The following UCMA variants were observed in gnomAD, a reference collection of about 807,000 sequenced individuals.
The protein encoded by UCMA is upper zone of growth plate and cartilage matrix-associated protein.
UCMA carries 21 observed loss-of-function variants against 21.8 expected under a neutral mutation model. That is an observed-to-expected ratio of 0.97 (90% CI 0.68 to 1.39). UCMA has a LOEUF of 1.39. UCMA is among the 40% of genes most tolerant of loss of function. The pLI is 0.00. For missense variants in UCMA, 193 were observed against 178.9 expected, an observed-to-expected ratio of 1.08 and a Z score of -0.45; for synonymous variants, 76 against 67.9, an observed-to-expected ratio of 1.12 and a Z score of -0.58.
chr10:13,227,826 G>C (rs1197981463), intron 4 of UCMA, among the ~76,000 whole-genome samples: 1 of 149,156 alleles, frequency 6.7e-6, no homozygotes, highest in African/African-American at 2.5e-5. Flanking sequence ...TCCTAAGGAT[G>C]TTTGCTGTGG....
chr10:13,221,938 T>G lies in UCMA; in HGVS notation c.*165A>C, dbSNP rs1474357670. ...CAAAGAGGTGAAAGTCAGGACACTT[T>G]CACACACTGGAAGGAAAGGCATGCG... On this transcript the variant is annotated 3_prime_UTR_variant, in exon 5 of 5. Coordinates refer to ENST00000378681, the MANE Select transcript of UCMA (RefSeq NM_145314.3). The G allele has an allele frequency of 1.5e-6, 1 of 676,326 alleles. No homozygotes were observed. Among genetic ancestry groups the G allele is most frequent in the Non-Finnish European group, 2.5e-6 (1 of 393,552 alleles). The allele number at this position is 676,326 out of a possible 1,614,324, so 41.9% of individuals were successfully genotyped here.
intron 4 of UCMA, among the ~76,000 whole-genome samples, chr10:13,223,307 T>C (rs1005928133): frequency 2.0e-5 from 3 of 151,672 alleles, no homozygotes; most frequent in African/African-American, 4.8e-5. Context: ...TGGATACTTC[T>C]ACGTGAATGT....
intron 4 of UCMA, among the ~76,000 whole-genome samples, chr10:13,225,458 T>G (rs1480051524): frequency 6.6e-6 from 1 of 152,024 alleles, no homozygotes; most frequent in East Asian, 1.9e-4. Flanking sequence ...GCAGATCACC[T>G]GAAGTCAGGA....
intron 4 of UCMA, among the ~76,000 whole-genome samples, chr10:13,226,159 G>A (rs1268113752): frequency 6.6e-6 from 1 of 151,220 alleles, no homozygotes; most frequent in Non-Finnish European, 1.5e-5. Flanking sequence ...GAGTATACAT[G>A]TATCCTTTCT....
At position 13,221,943 on chromosome 10, in the gene UCMA, C is replaced by T. The variant is rs977325493; in HGVS notation, c.*160G>A. The T allele has an allele frequency of 1.0e-5, 7 of 688,278 alleles. No individual in the cohort carries two copies. Among genetic ancestry groups the T allele is most frequent in the Non-Finnish European group, 1.7e-5 (7 of 401,624 alleles). The allele number at this position is 688,278 out of a possible 1,614,324, so 42.6% of individuals were successfully genotyped here. A position where few individuals can be genotyped will look rare whatever the true frequency, so the allele number is the denominator to read the frequency against. ...AGGTGAAAGTCAGGACACTTTCACACACTGGAAGGAAAGGCATGCGTCTTT... is the reference window on the plus strand; with the variant it reads ...AGGTGAAAGTCAGGACACTTTCACATACTGGAAGGAAAGGCATGCGTCTTT... On this transcript the variant is annotated 3_prime_UTR_variant, in exon 5 of 5. Transcript: ENST00000378681.
At chr10:13,223,622 C>T (rs577028285) in intron 4 of UCMA, among the ~76,000 whole-genome samples, 22 of 152,262 alleles carry the variant, frequency 1.4e-4, no homozygotes, top group African/African-American at 3.4e-4. Context: ...GGCGTGATCT[C>T]GGCTCACTGT....
intron 4 of UCMA, among the ~76,000 whole-genome samples, chr10:13,226,789 G>T (rs2131603934): frequency 6.6e-6 from 1 of 152,260 alleles, no homozygotes; most frequent in East Asian, 1.9e-4. Flanking sequence ...CATCTGTGTG[G>T]GTGAGACCTA....
At chr10:13,225,571 A>G (rs577856766) in intron 4 of UCMA, among the ~76,000 whole-genome samples, 4 of 151,852 alleles carry the variant, frequency 2.6e-5, no homozygotes, top group Non-Finnish European at 5.9e-5. Context: ...GCTACTCAGG[A>G]AGCTGAGGCA....
At chr10:13,230,225 T>C (rs1417860194) in intron 3 of UCMA, among the ~76,000 whole-genome samples, 1 of 152,180 alleles carries the variant, frequency 6.6e-6, no homozygotes, top group Admixed American at 6.5e-5. Context: ...GGAGGGTTGC[T>C]TGAGGCCAGG....
At chr10:13,230,492 A>G (rs1003605447) in intron 3 of UCMA, among the ~76,000 whole-genome samples, 3 of 152,214 alleles carry the variant, frequency 2.0e-5, no homozygotes, top group African/African-American at 4.8e-5. Context: ...CTTCAACTGG[A>G]GAAACCCATG....
chr10:13,230,178 C>T (rs892414562), intron 3 of UCMA, among the ~76,000 whole-genome samples: 4 of 152,176 alleles, frequency 2.6e-5, no homozygotes, highest in Non-Finnish European at 4.4e-5. Context: ...TACGGTGGCT[C>T]ACGCCTGTGA....
intron 4 of UCMA, among the ~76,000 whole-genome samples, chr10:13,223,700 T>G (rs923118188): frequency 6.6e-5 from 10 of 152,082 alleles, no homozygotes; most frequent in African/African-American, 2.4e-4. Context: ...TACAGGTGCA[T>G]GCCACCACGC....
intron 4 of UCMA, among the ~76,000 whole-genome samples, chr10:13,226,379 C>A (rs2131603682): frequency 6.6e-6 from 1 of 151,876 alleles, no homozygotes; most frequent in East Asian, 1.9e-4. Context: ...TTCTATGTTG[C>A]TCAGGCTGGT....
intron 3 of UCMA, among the ~76,000 whole-genome samples, chr10:13,231,339 A>G (rs1339990113): frequency 6.6e-6 from 1 of 152,020 alleles, no homozygotes; most frequent in Non-Finnish European, 1.5e-5. Flanking sequence ...GCATTCACAC[A>G]TTTCTCAGAG....
At chr10:13,233,858 G>T in intron 1 of UCMA, 58 bp from the exon 2 acceptor site, 1 of 1,599,832 alleles carries the variant, frequency 6.3e-7, no homozygotes, top group Non-Finnish European at 8.5e-7. Flanking sequence ...CAGACCCTGA[G>T]CTGAGTCCCC....
At position 13,233,613 on chromosome 10, in the gene UCMA, T is replaced by G. The variant is rs377574269; in HGVS notation, c.145A>C (p.Met49Leu). 1 of 1,614,114 alleles carries G rather than the reference T, an allele frequency of 6.2e-7. No homozygotes were observed. Among genetic ancestry groups the G allele is most frequent in the Non-Finnish European group, 8.5e-7 (1 of 1,180,026 alleles). The change falls in exon 3 of 5, where the codon ATG becomes CTG. Residue 49 changes from methionine (M) to leucine (L), a missense_variant. Physicochemically the swap from Met to Leu is conservative, Grantham distance 15 (BLOSUM62 2). Transcript: ENST00000378681. The stretch of plus-strand genomic sequence containing the variant: ...AAATTCGAGGCATCTGATTCCTGCA[T>G]GAAAATCTTCTGTTTTGCATCTGAA... ...ASEDAKQKIFMQESDASNFLK... is the reference protein window; with the variant it reads ...ASEDAKQKIFLQESDASNFLK...
rs780282582 is a variant in UCMA at position 13,234,252 on chromosome 10, A to G, written c.7T>C (p.Trp3Arg). 1.2e-6 allele frequency: 2 copies of G among 1,613,804 alleles called. No homozygotes were observed. Among genetic ancestry groups the G allele is most frequent in the African/African-American group, 1.3e-5 (1 of 74,992 alleles). MTWRQAVLLSCFS... is the reference protein window; with the variant it reads MTRRQAVLLSCFS... ...CAAGACAGCAGGACGGCCTGTCTCC[A>G]AGTCATCTTTGCAGAGGTAGGGGCT... The change falls in exon 1 of 5, where the codon TGG becomes CGG. Residue 3 changes from tryptophan (W) to arginine (R), a missense_variant. Transcript: ENST00000378681.
intron 4 of UCMA, among the ~76,000 whole-genome samples, chr10:13,227,323 G>T (rs1041022738): frequency 1.3e-5 from 2 of 152,208 alleles, no homozygotes; most frequent in African/African-American, 4.8e-5. Flanking sequence ...CCACAAAGGC[G>T]ACCTAAACTG....
chr10:13,223,793 C>T (rs758000016), intron 4 of UCMA, among the ~76,000 whole-genome samples: 14 of 151,994 alleles, frequency 9.2e-5, no homozygotes, highest in Non-Finnish European at 1.8e-4. Context: ...CTCAAGTGAT[C>T]GAACTGCCTC....
Sources: allele counts gnomAD v4.1 joint callset (sites outside exome capture counted in the v4.1 genomes callset), GRCh38; gene constraint gnomAD v4.1.1; transcripts MANE v1.5; gene names NCBI Gene and HGNC (gene_info 2026-07-23, HGNC 2026-07-21).